ASAP1: variants seen among roughly 807,000 people sequenced by gnomAD.
ASAP1 encodes the protein ArfGAP with SH3 domain, ankyrin repeat and PH domain 1.
ASAP1 carries 43 observed loss-of-function variants against 145.2 expected under a neutral mutation model. That is an observed-to-expected ratio of 0.30 (90% CI 0.23 to 0.38). The LOEUF is 0.38. ASAP1 is among the 10% of genes least tolerant of loss of function. The pLI, the probability that ASAP1 is intolerant of heterozygous loss-of-function variation, is 1.00. For missense variants in ASAP1, 1,018 were observed against 1,355.3 expected (o/e 0.75, Z 3.91); for synonymous variants, 546 against 515.5 (o/e 1.06, Z -0.80).
At position 130,342,217 on chromosome 8, in the gene ASAP1, G is replaced by A. The variant is rs144400388; in HGVS notation, c.186+15800C>T. Among the ~76,000 whole-genome samples the A allele has an allele frequency of 5.1e-4, 77 of 152,172 alleles. No homozygotes were observed. In the East Asian group the frequency reaches 0.011, roughly 23 times the overall value. Reference sequence around the variant, plus strand: ...TGAAGAAGGCAAATTGGCAAGGGTGGCACTCATCATGTAAGACCACAGACC... The same window carrying A: ...TGAAGAAGGCAAATTGGCAAGGGTGACACTCATCATGTAAGACCACAGACC... On this transcript the variant is annotated intron_variant, in intron 3 of 29. Transcript: ENST00000518721.
At chr8:130,300,051 C>T (rs751829209) in intron 3 of ASAP1, among the ~76,000 whole-genome samples, 1 of 146,300 alleles carries the variant, frequency 6.8e-6, no homozygotes, top group Non-Finnish European at 1.5e-5. Context: ...AAACAAAAGA[C>T]GAAAAACAAA....
At chr8:130,362,384 C>T (rs946075215) in intron 2 of ASAP1, among the ~76,000 whole-genome samples, 17 of 152,344 alleles carry the variant, frequency 1.1e-4, no homozygotes, top group Middle Eastern at 3.4e-3. Context: ...GGGAAGGGAA[C>T]ACACTTTTTA....
chr8:130,286,093 C>A (rs1821593623), intron 3 of ASAP1, among the ~76,000 whole-genome samples: 1 of 152,136 alleles, frequency 6.6e-6, no homozygotes, highest in African/African-American at 2.4e-5. Context: ...ACAAATTTGC[C>A]AGGCAGAATT....
At chr8:130,283,587 G>GAAAAAAAAAAAAAAAAAAAAAAAAAAAA (rs71304303) in intron 3 of ASAP1, among the ~76,000 whole-genome samples, 2 of 20,850 alleles carry the variant, frequency 9.6e-5, no homozygotes, top group African/African-American at 3.4e-4. Context: ...ATCACAGAAA[G>GAAAAAAAAAAAAAAAAAAAAAAAAAAAA]AAAAAAAAAA....
chr8:130,200,272 A>G (rs1333487876), intron 5 of ASAP1, among the ~76,000 whole-genome samples: 3 of 152,004 alleles, frequency 2.0e-5, no homozygotes, highest in African/African-American at 7.3e-5. Context: ...AAGTTGGGTA[A>G]ATAAATTATA....
intron 26 of ASAP1, among the ~76,000 whole-genome samples, chr8:130,076,849 A>G (rs763724565): frequency 6.6e-6 from 1 of 152,146 alleles, no homozygotes; most frequent in Non-Finnish European, 1.5e-5. Flanking sequence ...AGATTAGTCT[A>G]TTTTCCATAT....
chr8:130,243,159 C>G (rs984468435), intron 3 of ASAP1, among the ~76,000 whole-genome samples: 1 of 152,102 alleles, frequency 6.6e-6, no homozygotes, highest in Non-Finnish European at 1.5e-5. Flanking sequence ...AAACCCTTTG[C>G]TAGAAGAAAT....
At chr8:130,281,226 T>C (rs1821225471) in intron 3 of ASAP1, among the ~76,000 whole-genome samples, 1 of 150,562 alleles carries the variant, frequency 6.6e-6, no homozygotes, top group Non-Finnish European at 1.5e-5. Context: ...CTGGGAGAAA[T>C]AAATAAACCT....
intron 11 of ASAP1, among the ~76,000 whole-genome samples, chr8:130,163,384 T>C (rs2097673655): frequency 1.3e-5 from 2 of 152,252 alleles, no homozygotes; most frequent in African/African-American, 4.8e-5. Flanking sequence ...AAATTCTGAA[T>C]AACAAACTCC....
intron 4 of ASAP1, among the ~76,000 whole-genome samples, chr8:130,223,553 T>A (rs1410218947): frequency 2.0e-5 from 3 of 152,154 alleles, no homozygotes; most frequent in Non-Finnish European, 4.4e-5. Flanking sequence ...AAATTCCAGG[T>A]TTTCTGTTTA....
In ASAP1 at chr8:130,175,388, TTTTTTA is replaced by T; in HGVS notation, c.746+3870_746+3875del. Among the ~76,000 whole-genome samples the T allele has an allele frequency of 2.0e-5, 3 of 152,156 alleles. No individual in the cohort carries two copies. The Middle Eastern group carries it at 0.01, about 518-fold the overall frequency. On this transcript the variant is annotated intron_variant, in intron 9 of 29. Transcript: ENST00000518721. ...GGCGTGTGCCACCACACCAGGGTAA[TTTTTTA>T]TTTTTATTTTTTGTAGAGACAGAGT...
In ASAP1 at chr8:130,268,869, C is replaced by T. The variant is rs80121461; in HGVS notation, c.187-31875G>A. On this transcript the variant is annotated intron_variant, in intron 3 of 29. Coordinates refer to ENST00000518721, the MANE Select transcript of ASAP1 (RefSeq NM_018482.4). ...GAAATTCTTTCCTTGAAGCATTCCC[C>T]CATCAATTTTGCCAATGTTAGCTTA... 4.6e-5 allele frequency among the ~76,000 whole-genome samples: 7 copies of T among 152,174 alleles called. No homozygotes were observed. In the East Asian group the frequency reaches 1.4e-3, roughly 29 times the overall value.
chr8:130,320,499 G>A (rs987579554), intron 3 of ASAP1, among the ~76,000 whole-genome samples: 4 of 151,830 alleles, frequency 2.6e-5, no homozygotes, highest in African/African-American at 7.3e-5. Flanking sequence ...AGGTTGCAGC[G>A]AGCACCACTA....
At chr8:130,089,840 A>G (rs1473572152) in intron 25 of ASAP1, among the ~76,000 whole-genome samples, 1 of 152,274 alleles carries the variant, frequency 6.6e-6, no homozygotes, top group East Asian at 1.9e-4. Flanking sequence ...AAAATTTAAA[A>G]AAAAATTTAA....
chr8:130,090,739 G>A (rs2097503790), intron 25 of ASAP1, among the ~76,000 whole-genome samples: 1 of 152,232 alleles, frequency 6.6e-6, no homozygotes, highest in Admixed American at 6.5e-5. Context: ...GGCATAGTAA[G>A]TGCCTCAAGT....
chr8:130,274,557 A>G (rs1441893341), intron 3 of ASAP1, among the ~76,000 whole-genome samples: 3 of 152,198 alleles, frequency 2.0e-5, no homozygotes, highest in Non-Finnish European at 4.4e-5. Context: ...CCGCCACACA[A>G]TATCAACTTG....
intron 2 of ASAP1, among the ~76,000 whole-genome samples, chr8:130,384,987 G>A (rs564313624): frequency 1.3e-5 from 2 of 152,258 alleles, no homozygotes; most frequent in Non-Finnish European, 2.9e-5. Flanking sequence ...CACACACCAT[G>A]GCTCTATGGA....
At chr8:130,072,436 T>C (rs1189032617) in intron 27 of ASAP1, among the ~76,000 whole-genome samples, 7 of 152,176 alleles carry the variant, frequency 4.6e-5, no homozygotes, top group African/African-American at 1.7e-4. Context: ...ATTTTTCTCT[T>C]GCCTGCTGCC....
intron 24 of ASAP1, among the ~76,000 whole-genome samples, chr8:130,106,866 A>G (rs973228697): frequency 4.6e-5 from 7 of 152,180 alleles, no homozygotes; most frequent in African/African-American, 1.7e-4. Context: ...GGGGCACATT[A>G]TACTGTGTCC....
Sources: gnomAD v4.1 joint callset for allele counts (sites outside exome capture counted in the v4.1 genomes callset) on GRCh38, gnomAD v4.1.1 for gene constraint, MANE v1.5 for transcripts, NCBI Gene and HGNC (gene_info 2026-07-23, HGNC 2026-07-21) for gene names.